ARK2C: variants seen among roughly 807,000 people sequenced by gnomAD.
The protein encoded by ARK2C is E3 ubiquitin-protein ligase ARK2C.
At chr18:46,411,896 G>T in the ARK2C span, among the ~76,000 whole-genome samples, 1 of 152,232 alleles carries the variant, frequency 6.6e-6, no homozygotes, top group African/African-American at 2.4e-5. Flanking sequence ...TGGATGCCCA[G>T]TGAGAGGAGG....
the ARK2C span, among the ~76,000 whole-genome samples, chr18:46,453,792 G>T: frequency 4.0e-5 from 6 of 151,898 alleles, no homozygotes; most frequent in African/African-American, 1.5e-4. Context: ...ACTAGAAAGA[G>T]ATATGAAAGC....
chr18:46,399,636 C>T, the ARK2C span, among the ~76,000 whole-genome samples: 3 of 152,138 alleles, frequency 2.0e-5, no homozygotes, highest in African/African-American at 7.2e-5. Flanking sequence ...GCCAGGCCTG[C>T]CCTCTTACTG....
At chr18:46,456,110 C>A in the ARK2C span, 1 of 1,344,056 alleles carries the variant, frequency 7.4e-7, no homozygotes, top group Non-Finnish European at 1.1e-6. Flanking sequence ...ATTCCCTCTC[C>A]CCTCTCTTAT....
chr18:46,429,096 G>A, the ARK2C span, among the ~76,000 whole-genome samples: 1 of 152,190 alleles, frequency 6.6e-6, no homozygotes, highest in Non-Finnish European at 1.5e-5. Flanking sequence ...TGCTCATGCT[G>A]CAGCCCCCGG....
At chr18:46,427,352 C>G in the ARK2C span, among the ~76,000 whole-genome samples, 1 of 152,198 alleles carries the variant, frequency 6.6e-6, no homozygotes, top group East Asian at 1.9e-4. Context: ...GAAACCTCCC[C>G]AGGCTGGGGC....
At chr18:46,440,267 A>G in the ARK2C span, among the ~76,000 whole-genome samples, 2 of 150,056 alleles carry the variant, frequency 1.3e-5, no homozygotes, top group African/African-American at 4.9e-5. Flanking sequence ...CAGCATTTTG[A>G]GAGACTGAGA....
At chr18:46,427,932 C>T in the ARK2C span, among the ~76,000 whole-genome samples, 1 of 152,162 alleles carries the variant, frequency 6.6e-6, no homozygotes, top group South Asian at 2.1e-4. Flanking sequence ...AGACACGGAC[C>T]TTTCGAGATG....
At chr18:46,352,280 C>G in the ARK2C span, among the ~76,000 whole-genome samples, 1 of 135,542 alleles carries the variant, frequency 7.4e-6, no homozygotes, top group East Asian at 2.2e-4. Context: ...CCATCAGACT[C>G]TTTCCCCACC....
the ARK2C span, among the ~76,000 whole-genome samples, chr18:46,400,714 C>A: frequency 6.6e-6 from 1 of 152,132 alleles, no homozygotes; most frequent in Non-Finnish European, 1.5e-5. Flanking sequence ...TGTCGGGAAG[C>A]CTCTGTTGTC....
At chr18:46,413,181 T>C in the ARK2C span, among the ~76,000 whole-genome samples, 2 of 152,166 alleles carry the variant, frequency 1.3e-5, no homozygotes, top group South Asian at 2.1e-4. Context: ...GGTCCTCTTC[T>C]CTCTCGAGTG....
At chr18:46,396,739 G>A in the ARK2C span, among the ~76,000 whole-genome samples, 1 of 152,196 alleles carries the variant, frequency 6.6e-6, no homozygotes, top group South Asian at 2.1e-4. Context: ...GCAGAGAAGG[G>A]ACACCAGCAG....
chr18:46,442,930 C>T, the ARK2C span, among the ~76,000 whole-genome samples: 1 of 152,294 alleles, frequency 6.6e-6, no homozygotes, highest in African/African-American at 2.4e-5. Flanking sequence ...GGTTCAAAGT[C>T]TACCTTGTCT....
chr18:46,433,123 C>A, the ARK2C span: 1 of 1,305,698 alleles, frequency 7.7e-7, no homozygotes, highest in Non-Finnish European at 1.0e-6. Flanking sequence ...CCCGGGTGGG[C>A]ACAAGGGTCA....
chr18:46,368,716 C>T, the ARK2C span, among the ~76,000 whole-genome samples: 3 of 152,322 alleles, frequency 2.0e-5, no homozygotes, highest in African/African-American at 4.8e-5. Context: ...GAAAGTTTAG[C>T]GTAGTGGTCA....
chr18:46,379,623 G>A, the ARK2C span, among the ~76,000 whole-genome samples: 1 of 152,214 alleles, frequency 6.6e-6, no homozygotes, highest in Non-Finnish European at 1.5e-5. Flanking sequence ...GCCACCTTCA[G>A]AATTCTTCTC....
At chr18:46,351,706 A>T in the ARK2C span, among the ~76,000 whole-genome samples, 1 of 152,148 alleles carries the variant, frequency 6.6e-6, no homozygotes, top group African/African-American at 2.4e-5. Context: ...GATAACTTAG[A>T]CAGTTCTCAG....
chr18:46,350,535 A>G, the ARK2C span, among the ~76,000 whole-genome samples: 1 of 152,074 alleles, frequency 6.6e-6, no homozygotes, highest in Non-Finnish European at 1.5e-5. Context: ...AGCGCCCCCA[A>G]CCCCAAGAAC....
chr18:46,432,715 T>C, the ARK2C span, among the ~76,000 whole-genome samples: 1,215 of 152,004 alleles, frequency 8.0e-3, 11 homozygotes, highest in Non-Finnish European at 0.013. Context: ...CCCAGCACTT[T>C]GGGAGGCCGA....
the ARK2C span, among the ~76,000 whole-genome samples, chr18:46,375,476 C>G: frequency 6.6e-6 from 1 of 151,844 alleles, no homozygotes; most frequent in African/African-American, 2.4e-5. Flanking sequence ...ATTGCTTGAA[C>G]TTGGGAGGTG....
Sources: gnomAD v4.1 joint callset for allele counts (sites outside exome capture counted in the v4.1 genomes callset) on GRCh38, gnomAD v4.1.1 for gene constraint, MANE v1.5 for transcripts, NCBI Gene and HGNC (gene_info 2026-07-23, HGNC 2026-07-21) for gene names.